Variants in CCDC148 observed in about 807,000 individuals in gnomAD.
The protein encoded by CCDC148 is coiled-coil domain containing 148, also known as coiled-coil domain-containing protein 148.
CCDC148 carries 89 observed loss-of-function variants against 85.7 expected under a neutral mutation model. That is an observed-to-expected ratio of 1.04 (90% CI 0.87 to 1.24). CCDC148 has a LOEUF of 1.24. CCDC148 is among the 50% of genes most tolerant of loss of function. The probability of loss-of-function intolerance (pLI) is 0.00; values close to 1 mark genes in which losing one functional copy is unlikely to be tolerated. For missense variants in CCDC148, 692 were observed against 671.7 expected, an observed-to-expected ratio of 1.03 and a Z score of -0.33; for synonymous variants, 230 against 213.9, an observed-to-expected ratio of 1.08 and a Z score of -0.66.
chr2:158,401,123 C>T (rs1685761737), intron 1 of CCDC148, among the ~76,000 whole-genome samples: 1 of 152,112 alleles, frequency 6.6e-6, no homozygotes, highest in Non-Finnish European at 1.5e-5. Flanking sequence ...TTAATTCAAC[C>T]ATTGTGGAAG....
intron 10 of CCDC148, among the ~76,000 whole-genome samples, chr2:158,239,823 A>C (rs1257285221): frequency 2.0e-5 from 3 of 152,162 alleles, no homozygotes; most frequent in Admixed American, 2.0e-4. Flanking sequence ...TCTTGTCTAC[A>C]AAAAACATAT....
chr2:158,345,169 T>C, intron 3 of CCDC148, 46 bp downstream of exon 3: 2 of 1,285,848 alleles, frequency 1.6e-6, no homozygotes, highest in Non-Finnish European at 2.2e-6. Flanking sequence ...ATAAGTGCTA[T>C]TCCTAGTAAT....
intron 10 of CCDC148, among the ~76,000 whole-genome samples, chr2:158,224,069 G>GA (rs894222646): frequency 6.6e-6 from 1 of 151,940 alleles, no homozygotes; most frequent in Non-Finnish European, 1.5e-5. Flanking sequence ...TAAAAACCTT[G>GA]AAAAAAAATT....
chr2:158,342,165 GACT>G (rs1468935146), intron 3 of CCDC148, among the ~76,000 whole-genome samples: 1 of 151,292 alleles, frequency 6.6e-6, no homozygotes, highest in Non-Finnish European at 1.5e-5. Context: ...AAGTAGCTGG[GACT>G]ACAGGTGCGC....
chr2:158,367,012 T>C (rs1433746130), intron 1 of CCDC148, among the ~76,000 whole-genome samples: 1 of 152,150 alleles, frequency 6.6e-6, no homozygotes, highest in Admixed American at 6.6e-5. Flanking sequence ...GTCCTTATTA[T>C]AGCCTCCCCC....
chr2:158,395,824 C>T (rs1019250481), intron 1 of CCDC148, among the ~76,000 whole-genome samples: 54 of 152,238 alleles, frequency 3.5e-4, no homozygotes, highest in African/African-American at 1.2e-3. Flanking sequence ...AATATCTATC[C>T]TCACATGTCT....
At chr2:158,429,364 GATAGAT>G (rs1559139130) in intron 1 of CCDC148, among the ~76,000 whole-genome samples, 18 of 99,072 alleles carry the variant, frequency 1.8e-4, no homozygotes, top group Non-Finnish European at 3.3e-4. Context: ...AGCATGAATA[GATAGAT>G]AGATAGATAG....
intron 2 of CCDC148, 124 bp from the exon 3 acceptor site, chr2:158,345,442 A>C: frequency 1.7e-6 from 1 of 588,372 alleles, no homozygotes; most frequent in Non-Finnish European, 2.9e-6. Context: ...TTATTAGTGC[A>C]TCTCCTAACA....
intron 2 of CCDC148, among the ~76,000 whole-genome samples, chr2:158,349,091 A>G (rs1480642989): frequency 6.6e-6 from 1 of 152,050 alleles, no homozygotes; most frequent in Non-Finnish European, 1.5e-5. Context: ...GATCAATGAC[A>G]CAGTGATTAT....
intron 2 of CCDC148, among the ~76,000 whole-genome samples, chr2:158,351,446 C>A (rs1489506239): frequency 8.4e-6 from 1 of 119,738 alleles, no homozygotes; most frequent in African/African-American, 3.2e-5. Flanking sequence ...TCAGGGAGTT[C>A]CCTTTCCGAG....
intron 1 of CCDC148, among the ~76,000 whole-genome samples, chr2:158,428,817 C>T (rs918706713): frequency 1.3e-5 from 2 of 152,012 alleles, no homozygotes; most frequent in African/African-American, 4.8e-5. Flanking sequence ...AATCATTCTA[C>T]TATAAAGACA....
intron 1 of CCDC148, among the ~76,000 whole-genome samples, chr2:158,382,313 A>G (rs1476637989): frequency 6.6e-6 from 1 of 152,146 alleles, no homozygotes. Context: ...GAATAAATTG[A>G]CGTATATTCA....
chr2:158,323,377 TG>T (rs1692611049), intron 7 of CCDC148, among the ~76,000 whole-genome samples: 1 of 152,246 alleles, frequency 6.6e-6, no homozygotes, highest in Non-Finnish European at 1.5e-5. Flanking sequence ...ATTATAATAT[TG>T]TGGAACTATT....
At chr2:158,400,833 A>C (rs1022846202) in intron 1 of CCDC148, among the ~76,000 whole-genome samples, 12 of 152,226 alleles carry the variant, frequency 7.9e-5, no homozygotes, top group Admixed American at 5.2e-4. Flanking sequence ...AATATCCAGA[A>C]GCTACAAAGA....
At chr2:158,202,689 CTT>C (rs921140443) in intron 11 of CCDC148, among the ~76,000 whole-genome samples, 15 of 152,196 alleles carry the variant, frequency 9.9e-5, no homozygotes, top group African/African-American at 3.4e-4. Flanking sequence ...TCCAATAAAA[CTT>C]TACTTATGGA....
At chr2:158,434,489 C>A (rs1263016930) in intron 1 of CCDC148, among the ~76,000 whole-genome samples, 2 of 152,090 alleles carry the variant, frequency 1.3e-5, no homozygotes, top group African/African-American at 4.8e-5. Flanking sequence ...TCATAGAAGA[C>A]CAAAGGTAGA....
At chr2:158,423,895 A>T (rs1240606498) in intron 1 of CCDC148, among the ~76,000 whole-genome samples, 1 of 152,200 alleles carries the variant, frequency 6.6e-6, no homozygotes, top group Non-Finnish European at 1.5e-5. Flanking sequence ...ACCCCATCAA[A>T]AAGTGGGTGA....
intron 10 of CCDC148, among the ~76,000 whole-genome samples, chr2:158,243,763 C>T (rs1688448620): frequency 6.6e-6 from 1 of 152,276 alleles, no homozygotes; most frequent in Middle Eastern, 3.4e-3. Context: ...AGATCTTTTC[C>T]AATCTAGATA....
intron 1 of CCDC148, among the ~76,000 whole-genome samples, chr2:158,399,595 T>G (rs1400351349): frequency 6.6e-6 from 1 of 152,082 alleles, no homozygotes. Context: ...GCTAAAAAAC[T>G]CTCAATAAAC....
Sources: gnomAD v4.1 joint callset for allele counts (sites outside exome capture counted in the v4.1 genomes callset) on GRCh38, gnomAD v4.1.1 for gene constraint, MANE v1.5 for transcripts, NCBI Gene and HGNC (gene_info 2026-07-23, HGNC 2026-07-21) for gene names.